Variants in ALK observed in about 807,000 individuals in gnomAD.
The protein encoded by ALK is ALK receptor tyrosine kinase.
In ALK, 74 loss-of-function variants were observed where a neutral mutation model predicts 163.1. The observed-to-expected ratio is 0.45, with a 90% CI of 0.38 to 0.55. ALK has a LOEUF of 0.55. ALK is among the 20% of genes least tolerant of loss of function. The pLI, the probability that ALK is intolerant of heterozygous loss-of-function variation, is 0.00. For synonymous variants in ALK, 960 were observed against 843.2 expected, an observed-to-expected ratio of 1.14 and a Z score of -2.40; for missense variants, 2,063 against 2,105.3, an observed-to-expected ratio of 0.98 and a Z score of 0.39.
chr2:29,852,045 G>C (rs796285304), intron 1 of ALK, among the ~76,000 whole-genome samples: 1 of 152,196 alleles, frequency 6.6e-6, no homozygotes, highest in African/African-American at 2.4e-5. Flanking sequence ...TCTGCCTGCA[G>C]GGGAAGATAG....
intron 1 of ALK, among the ~76,000 whole-genome samples, chr2:29,816,554 A>T (rs1664903649): frequency 6.6e-6 from 1 of 152,206 alleles, no homozygotes; most frequent in African/African-American, 2.4e-5. Context: ...ATACGCTAAT[A>T]AAAAAGCCTT....
At chr2:29,619,440 GATCGAGCT>G (rs1469785923) in intron 3 of ALK, among the ~76,000 whole-genome samples, 4 of 152,200 alleles carry the variant, frequency 2.6e-5, no homozygotes, top group Non-Finnish European at 4.4e-5. Flanking sequence ...TGAGCCCTCA[GATCGAGCT>G]CTCCTCTCCC....
chr2:29,920,040 G>A lies in ALK; in HGVS notation c.620C>T (p.Ala207Val), dbSNP rs2148442860. The A allele has an allele frequency of 6.2e-7, 1 of 1,614,170 alleles. No homozygotes were observed. Among genetic ancestry groups the A allele is most frequent in the Non-Finnish European group, 8.5e-7 (1 of 1,180,044 alleles). Residue 207 changes from alanine (A) to valine (V), a missense_variant, in exon 1 of 29, where the codon GCA (alanine) becomes GTA (valine). Ala to Val is a moderately conservative substitution (Grantham distance 64, BLOSUM62 0). Around this residue, in one of 5 missense-constraint regions of ALK, gnomAD observed 987 missense variants for 939.5 expected, o/e 1.05. Coordinates refer to ENST00000389048, the MANE Select transcript of ALK (RefSeq NM_004304.5). ...AAGGCGGGGCTGGGAGGCGCGAATT[G>A]CCGCGGACAGCCTTCCCTCTCTGCC... ...EVGREGRLSA[A>V]IRASQPRLLF...
chr2:29,398,248 C>T (rs1236704753), intron 4 of ALK, among the ~76,000 whole-genome samples: 1 of 152,142 alleles, frequency 6.6e-6, no homozygotes, highest in African/African-American at 2.4e-5. Flanking sequence ...AGCCCCAAAC[C>T]CTCAGGATCA....
At chr2:29,590,693 A>G (rs1378792238) in intron 3 of ALK, among the ~76,000 whole-genome samples, 1 of 151,126 alleles carries the variant, frequency 6.6e-6, no homozygotes, top group African/African-American at 2.4e-5. Flanking sequence ...CCATCCTCTT[A>G]CCCCCATCCT....
intron 28 of ALK, among the ~76,000 whole-genome samples, chr2:29,194,349 G>A (rs188038347): frequency 1.3e-5 from 2 of 152,216 alleles, no homozygotes; most frequent in Admixed American, 1.3e-4. Context: ...GGGGGCTGGG[G>A]GGAGGAGGAG....
intron 1 of ALK, among the ~76,000 whole-genome samples, chr2:29,743,779 T>C (rs898031659): frequency 6.6e-6 from 1 of 152,130 alleles, no homozygotes; most frequent in Non-Finnish European, 1.5e-5. Context: ...GAACTGCAGG[T>C]GTTAAATGGG....
At chr2:29,714,420 C>T (rs964905335) in intron 2 of ALK, among the ~76,000 whole-genome samples, 1 of 152,174 alleles carries the variant, frequency 6.6e-6, no homozygotes, top group African/African-American at 2.4e-5. Context: ...CAGATAATTA[C>T]AGACTGGGGG....
chr2:29,624,146 C>A (rs577011126), intron 3 of ALK, among the ~76,000 whole-genome samples: 4 of 23,104 alleles, frequency 1.7e-4, no homozygotes, highest in African/African-American at 3.3e-4. Context: ...GATGCCTTTC[C>A]TTTGCTCAAA....
intron 6 of ALK, among the ~76,000 whole-genome samples, chr2:29,322,585 G>A (rs1330792899): frequency 6.6e-6 from 1 of 152,216 alleles, no homozygotes; most frequent in Non-Finnish European, 1.5e-5. Context: ...TGCAATCCCA[G>A]CACTTTGGGA....
intron 1 of ALK, among the ~76,000 whole-genome samples, chr2:29,804,611 A>G (rs899145365): frequency 6.6e-6 from 1 of 152,176 alleles, no homozygotes; most frequent in Non-Finnish European, 1.5e-5. Flanking sequence ...CTCTACCTCC[A>G]TTGCCTTCCA....
chr2:29,911,948 C>T (rs1181823391), intron 1 of ALK, among the ~76,000 whole-genome samples: 3 of 151,916 alleles, frequency 2.0e-5, no homozygotes, highest in African/African-American at 4.8e-5. Context: ...AAGTCATTGT[C>T]AAATATGAAA....
intron 1 of ALK, among the ~76,000 whole-genome samples, chr2:29,902,062 T>C (rs1334297548): frequency 6.6e-6 from 1 of 152,142 alleles, no homozygotes; most frequent in Non-Finnish European, 1.5e-5. Context: ...AGCACATAAT[T>C]TATGAGAAGT....
intron 26 of ALK, among the ~76,000 whole-genome samples, chr2:29,200,281 TTC>T (rs1359526973): frequency 6.6e-6 from 1 of 152,198 alleles, no homozygotes; most frequent in Non-Finnish European, 1.5e-5. Context: ...GCTATATGTT[TTC>T]TGTTTTTCTA....
chr2:29,514,828 C>G (rs533894076), intron 4 of ALK, among the ~76,000 whole-genome samples: 1 of 152,282 alleles, frequency 6.6e-6, no homozygotes, highest in African/African-American at 2.4e-5. Context: ...ATGCCTCACT[C>G]TGTATTCAGG....
chr2:29,657,314 C>T (rs573132142), intron 3 of ALK, among the ~76,000 whole-genome samples: 9 of 152,174 alleles, frequency 5.9e-5, no homozygotes, highest in Admixed American at 5.2e-4. Flanking sequence ...ATCTTAATAC[C>T]ATTTGTGTCT....
At chr2:29,566,143 C>T in intron 3 of ALK, among the ~76,000 whole-genome samples, 1 of 152,184 alleles carries the variant, frequency 6.6e-6, no homozygotes, top group East Asian at 1.9e-4. Context: ...GGTCACCCTG[C>T]CTGGATCACT....
chr2:29,332,472 T>C (rs1489081282), intron 5 of ALK, among the ~76,000 whole-genome samples: 1 of 152,150 alleles, frequency 6.6e-6, no homozygotes, highest in Non-Finnish European at 1.5e-5. Context: ...CTTTCCTTCA[T>C]TCTAAAAACA....
chr2:29,480,683 A>G (rs1671640262), intron 4 of ALK, among the ~76,000 whole-genome samples: 2 of 151,896 alleles, frequency 1.3e-5, no homozygotes, highest in Non-Finnish European at 1.5e-5. Flanking sequence ...CAGGGAGGAA[A>G]GCAGAAGTGG....
Sources: allele counts gnomAD v4.1 joint callset (sites outside exome capture counted in the v4.1 genomes callset), GRCh38; gene constraint gnomAD v4.1.1; regional missense constraint gnomAD v4.1.1; transcripts MANE v1.5; gene names NCBI Gene and HGNC (gene_info 2026-07-23, HGNC 2026-07-21).